The following TTBK2 variants were observed in gnomAD, a reference collection of about 807,000 sequenced individuals.
The protein encoded by TTBK2 is tau tubulin kinase 2.
A neutral mutation model predicts 110.8 loss-of-function variants in TTBK2; 28 were observed. The observed-to-expected ratio is 0.25, with a 90% CI of 0.19 to 0.35. TTBK2 has a LOEUF of 0.35. Ranked by LOEUF, TTBK2 falls within the 10% of genes least tolerant of loss-of-function variation. The probability of loss-of-function intolerance (pLI) is 1.00; values close to 1 mark genes in which losing one functional copy is unlikely to be tolerated. For synonymous variants in TTBK2, 532 were observed against 527.3 expected, an observed-to-expected ratio of 1.01 and a Z score of -0.12; for missense variants, 1,369 against 1,500.3, an observed-to-expected ratio of 0.91 and a Z score of 1.45.
intron 3 of TTBK2, among the ~76,000 whole-genome samples, chr15:42,841,805 G>T (rs1034095509): frequency 2.6e-5 from 4 of 152,144 alleles, no homozygotes; most frequent in African/African-American, 4.8e-5. Context: ...AAAATTAAAT[G>T]AAAAGTTGTA....
chr15:42,792,709 T>A (rs968698285), intron 10 of TTBK2, among the ~76,000 whole-genome samples: 2 of 152,090 alleles, frequency 1.3e-5, no homozygotes, highest in African/African-American at 4.8e-5. Context: ...CTGGCAGGGG[T>A]AGGTGAGGCA....
intron 1 of TTBK2, among the ~76,000 whole-genome samples, chr15:42,891,488 T>C (rs933562370): frequency 6.6e-6 from 1 of 151,644 alleles, no homozygotes; most frequent in African/African-American, 2.4e-5. Context: ...ACTCTGTATA[T>C]TAAAAACTCT....
chr15:42,806,092 T>A (rs887357981), intron 9 of TTBK2, among the ~76,000 whole-genome samples: 1 of 152,044 alleles, frequency 6.6e-6, no homozygotes, highest in Admixed American at 6.5e-5. Flanking sequence ...GGCAAAACCC[T>A]GTCTCTACAA....
At chr15:42,892,988 G>A (rs1236662387) in intron 1 of TTBK2, among the ~76,000 whole-genome samples, 2 of 146,328 alleles carry the variant, frequency 1.4e-5, no homozygotes, top group Non-Finnish European at 1.5e-5. Flanking sequence ...TCCAGCCTGG[G>A]TGACAGAGCA....
rs184736242 is a variant in TTBK2, at chr15:42,776,242, C to T, written c.1410-519G>A. 1.7e-4 allele frequency among the ~76,000 whole-genome samples: 26 copies of T among 152,206 alleles called. No individual in the cohort carries two copies. The East Asian group carries it at 5.0e-3, about 29-fold the overall frequency. ...TACCATCTTAGTCAAATTCACAGTC[C>T]CTCTAACCTAATATTTCATTACCAA... On this transcript the variant is annotated intron_variant, in intron 12 of 14. Coordinates refer to ENST00000267890, the MANE Select transcript of TTBK2 (RefSeq NM_173500.4).
intron 4 of TTBK2, among the ~76,000 whole-genome samples, chr15:42,837,357 CAAAAAAAA>C (rs962772134): frequency 1.8e-5 from 1 of 56,326 alleles, no homozygotes; most frequent in Non-Finnish European, 3.5e-5. Context: ...GACTCCATCT[CAAAAAAAA>C]AAAAAAAAAA....
At chr15:42,769,046 C>T (rs1889530668) in intron 13 of TTBK2, among the ~76,000 whole-genome samples, 1 of 152,224 alleles carries the variant, frequency 6.6e-6, no homozygotes, top group Admixed American at 6.5e-5. Context: ...GCTGGGAAAA[C>T]TGGCTAGCCA....
intron 3 of TTBK2, among the ~76,000 whole-genome samples, chr15:42,853,263 T>TA (rs202181236): frequency 0.024 from 3,553 of 146,132 alleles, 189 homozygotes; most frequent in East Asian, 0.22. Context: ...TATTTCAGGG[T>TA]AAAAAAAAAA....
At chr15:42,811,584 T>C (rs1366841316) in intron 8 of TTBK2, 104 bp downstream of exon 8, 4 of 859,130 alleles carry the variant, frequency 4.7e-6, no homozygotes, top group Non-Finnish European at 7.5e-6. Context: ...AAAATGCTTG[T>C]AGATTTTAAG....
At chr15:42,892,784 C>A (rs369949785) in intron 1 of TTBK2, among the ~76,000 whole-genome samples, 1 of 147,662 alleles carries the variant, frequency 6.8e-6, no homozygotes. Context: ...CTGAGGCAGG[C>A]GGATCACCTG....
intron 12 of TTBK2, among the ~76,000 whole-genome samples, chr15:42,776,416 G>A (rs540132168): frequency 3.3e-5 from 5 of 152,184 alleles, no homozygotes. Flanking sequence ...AAAATTTGTT[G>A]TAGGGATAAT....
At chr15:42,810,556 T>C (rs1394628487) in intron 9 of TTBK2, 58 bp downstream of exon 9, 7 of 1,606,490 alleles carry the variant, frequency 4.4e-6, no homozygotes, top group East Asian at 4.5e-5. Context: ...CTACAATGAG[T>C]GAAAGCATAG....
chr15:42,866,562 C>T (rs766783761), intron 3 of TTBK2, among the ~76,000 whole-genome samples: 74 of 152,254 alleles, frequency 4.9e-4, no homozygotes, highest in Non-Finnish European at 9.0e-4. Flanking sequence ...CATCAATTAA[C>T]TAGATATAAC....
intron 13 of TTBK2, among the ~76,000 whole-genome samples, chr15:42,769,822 T>C (rs549654863): frequency 1.3e-5 from 2 of 152,284 alleles, no homozygotes; most frequent in South Asian, 4.1e-4. Flanking sequence ...ATGTTTATTG[T>C]GGCACTATTC....
chr15:42,915,612 A>G (rs1403853853), intron 1 of TTBK2, among the ~76,000 whole-genome samples: 3 of 152,180 alleles, frequency 2.0e-5, no homozygotes, highest in African/African-American at 7.2e-5. Flanking sequence ...ACAGTAGTTT[A>G]AAGTTTCACA....
At position 42,878,622 on chromosome 15, in the gene TTBK2, A is replaced by C. The variant is rs918437639; in HGVS notation, c.-5T>G. On this transcript the variant is annotated 5_prime_UTR_variant, in exon 2 of 15. Coordinates refer to ENST00000267890, the MANE Select transcript of TTBK2 (RefSeq NM_173500.4). ...CTGCTCTCCTCCCCCACTCATTGCA[A>C]TACACTGATATGGTAGAACAGCTAC... 3.7e-6 allele frequency: 6 copies of C among 1,613,762 alleles called. No individual in the cohort carries two copies. The African/African-American group carries it at 8.0e-5, about 22-fold the overall frequency.
At chr15:42,816,743 C>T (rs992208967) in intron 7 of TTBK2, among the ~76,000 whole-genome samples, 2 of 151,880 alleles carry the variant, frequency 1.3e-5, no homozygotes, top group African/African-American at 4.8e-5. Context: ...CATGGTGAAA[C>T]ACTTTCTCTA....
chr15:42,800,053 C>G (rs1437760480), intron 9 of TTBK2, among the ~76,000 whole-genome samples: 1 of 151,944 alleles, frequency 6.6e-6, no homozygotes, highest in African/African-American at 2.4e-5. Context: ...GAGCCAAGAT[C>G]ACACCACTGC....
chr15:42,848,144 A>G (rs1286576396), intron 3 of TTBK2, among the ~76,000 whole-genome samples: 1 of 152,224 alleles, frequency 6.6e-6, no homozygotes, highest in Non-Finnish European at 1.5e-5. Context: ...TCAAACTAAT[A>G]ACATGCCTCA....
Sources: allele counts gnomAD v4.1 joint callset (sites outside exome capture counted in the v4.1 genomes callset), GRCh38; gene constraint gnomAD v4.1.1; transcripts MANE v1.5; gene names NCBI Gene and HGNC (gene_info 2026-07-23, HGNC 2026-07-21).